Variants in SLCO1A2 observed in about 807,000 individuals in gnomAD.
SLCO1A2 encodes the protein solute carrier organic anion transporter family member 1A2, also known as OATP-1.
In SLCO1A2, 67 loss-of-function variants were observed where a neutral mutation model predicts 69.0. The ratio of observed to expected loss-of-function variants is 0.97; its 90% CI spans 0.80 to 1.19. The LOEUF (loss-of-function observed/expected upper bound fraction) is 1.19. Ranked by LOEUF, SLCO1A2 falls within the 50% of genes most tolerant of loss-of-function variation. SLCO1A2 has a pLI of 0.00. For missense variants in SLCO1A2, 787 were observed against 793.7 expected, an observed-to-expected ratio of 0.99 and a Z score of 0.10; for synonymous variants, 260 against 265.9, an observed-to-expected ratio of 0.98 and a Z score of 0.22.
chr12:21,376,241 AT>A, intron 1 of SLCO1A2: 1 of 209,030 alleles, frequency 4.8e-6, no homozygotes, highest in East Asian at 1.4e-4. Context: ...CTTCAGTCAT[AT>A]GCTAAACATA....
intron 1 of SLCO1A2, among the ~76,000 whole-genome samples, chr12:21,400,547 A>G (rs1941655708): frequency 6.6e-6 from 1 of 151,984 alleles, no homozygotes; most frequent in Non-Finnish European, 1.5e-5. Context: ...AAACGACTAT[A>G]AATCATGCTG....
chr12:21,406,376 T>C (rs1041491400), intron 1 of SLCO1A2, among the ~76,000 whole-genome samples: 1 of 152,194 alleles, frequency 6.6e-6, no homozygotes, highest in Non-Finnish European at 1.5e-5. Context: ...CATCTGCCAG[T>C]AGTGAAGCTC....
At chr12:21,293,825 C>G in intron 11 of SLCO1A2, 120 bp downstream of exon 11, 2 of 760,260 alleles carry the variant, frequency 2.6e-6, no homozygotes, top group Non-Finnish European at 3.9e-6. Flanking sequence ...TTTCCACATA[C>G]AAAAAAAGTA....
intron 2 of SLCO1A2, among the ~76,000 whole-genome samples, chr12:21,340,083 A>C (rs1953017333): frequency 6.6e-6 from 1 of 151,996 alleles, no homozygotes; most frequent in African/African-American, 2.4e-5. Flanking sequence ...GTAAGAAAAA[A>C]ATTCAGGAGA....
chr12:21,269,364 A>C lies in SLCO1A2; in HGVS notation c.*184T>G, dbSNP rs1942388422. On this transcript the variant is annotated 3_prime_UTR_variant, in exon 15 of 15. Coordinates refer to ENST00000683939, the MANE Select transcript of SLCO1A2 (RefSeq NM_001386879.1). ...GGCTGTTATTGATGTCCCTCCTAGG[A>C]AAACTCAAGTGTCACTGATACCTTA... 6.5e-6 allele frequency: 3 copies of C among 462,878 alleles called. No individual in the cohort carries two copies. In the East Asian group the frequency reaches 1.0e-4, roughly 16 times the overall value. 28.7% of individuals were successfully genotyped at this position (462,878 alleles called of 1,614,324 possible).
intron 14 of SLCO1A2, 74 bp from the exon 15 acceptor site, chr12:21,269,841 G>C: frequency 2.5e-6 from 3 of 1,178,794 alleles, no homozygotes; most frequent in Non-Finnish European, 3.4e-6. Context: ...GTATATCTTT[G>C]TATTTTATTC....
intron 1 of SLCO1A2, among the ~76,000 whole-genome samples, chr12:21,390,130 A>G (rs1941080212): frequency 6.6e-6 from 1 of 152,008 alleles, no homozygotes; most frequent in Admixed American, 6.6e-5. Flanking sequence ...AAAAATGTGT[A>G]ACTTGTAAGA....
upstream of SLCO1A2, among the ~76,000 whole-genome samples, chr12:21,395,758 G>A (rs529689369): frequency 1.3e-5 from 2 of 152,250 alleles, no homozygotes; most frequent in East Asian, 1.9e-4. Flanking sequence ...CCCCAGCAGG[G>A]GCACACTGAC....
chr12:21,274,409 G>A (rs1943420545), intron 14 of SLCO1A2, 60 bp downstream of exon 14: 1 of 1,103,708 alleles, frequency 9.1e-7, no homozygotes, highest in Non-Finnish European at 1.4e-6. Flanking sequence ...CGTGTGAATG[G>A]TGCTGCGTTA....
intron 1 of SLCO1A2, among the ~76,000 whole-genome samples, chr12:21,382,828 A>G (rs957648044): frequency 2.0e-5 from 3 of 151,936 alleles, no homozygotes; most frequent in African/African-American, 7.2e-5. Flanking sequence ...AGAAACGAAA[A>G]AAGAAAGAAA....
chr12:21,280,888 A>G (rs925992272), intron 12 of SLCO1A2, among the ~76,000 whole-genome samples: 9 of 152,148 alleles, frequency 5.9e-5, no homozygotes, highest in Admixed American at 1.3e-4. Context: ...AATAATATCA[A>G]GTATCTTCTC....
At chr12:21,378,031 G>A (rs1038783475) in intron 1 of SLCO1A2, among the ~76,000 whole-genome samples, 2 of 152,142 alleles carry the variant, frequency 1.3e-5, no homozygotes. Flanking sequence ...TGACTGTAAT[G>A]AAAGATGTTG....
intron 2 of SLCO1A2, among the ~76,000 whole-genome samples, chr12:21,367,587 C>T (rs554370292): frequency 3.0e-4 from 46 of 151,244 alleles, no homozygotes; most frequent in Non-Finnish European, 3.8e-4. Flanking sequence ...ACTGAACAAT[C>T]GAAAAAGAGG....
At chr12:21,294,933 A>G (rs1947477225) in intron 10 of SLCO1A2, 2 of 152,114 alleles carry the variant, frequency 1.3e-5, no homozygotes, top group Admixed American at 6.5e-5. Flanking sequence ...AACCTTGATA[A>G]TTTTGAAAAA....
At chr12:21,345,942 G>A (rs147530286) in intron 2 of SLCO1A2, among the ~76,000 whole-genome samples, 1,622 of 151,886 alleles carry the variant, frequency 0.011, 31 homozygotes, top group African/African-American at 0.038. Flanking sequence ...TATATAACAT[G>A]TATATATCTT....
chr12:21,373,682 T>C (rs1413837618), intron 2 of SLCO1A2: 2 of 701,746 alleles, frequency 2.9e-6, no homozygotes, highest in Non-Finnish European at 5.2e-6. Flanking sequence ...AAATATACTC[T>C]TGGAACTTAG....
chr12:21,387,477 G>A (rs1037690732), intron 1 of SLCO1A2, among the ~76,000 whole-genome samples: 1 of 152,204 alleles, frequency 6.6e-6, no homozygotes, highest in East Asian at 1.9e-4. Context: ...GGCTAAAAGG[G>A]GCCAAGGTAC....
chr12:21,290,335 A>G (rs1252840335), intron 12 of SLCO1A2, among the ~76,000 whole-genome samples: 1 of 152,158 alleles, frequency 6.6e-6, no homozygotes, highest in Non-Finnish European at 1.5e-5. Flanking sequence ...AGACAGCAAA[A>G]TAAGTTTGAG....
intron 2 of SLCO1A2, among the ~76,000 whole-genome samples, chr12:21,366,451 G>A (rs1163053688): frequency 1.3e-5 from 2 of 151,958 alleles, no homozygotes; most frequent in Admixed American, 6.6e-5. Context: ...TGTAAATGAC[G>A]AGTTGACGGG....
Sources: allele counts gnomAD v4.1 joint callset (sites outside exome capture counted in the v4.1 genomes callset), GRCh38; gene constraint gnomAD v4.1.1; transcripts MANE v1.5; gene names NCBI Gene and HGNC (gene_info 2026-07-23, HGNC 2026-07-21).